GRM8: variants seen among roughly 807,000 people sequenced by gnomAD.
GRM8 encodes glutamate metabotropic receptor 8.
GRM8 carries 47 observed loss-of-function variants against 87.2 expected under a neutral mutation model. The observed-to-expected ratio is 0.54, with a 90% CI of 0.43 to 0.69. The LOEUF (loss-of-function observed/expected upper bound fraction) is 0.69, where lower values mean the gene tolerates loss of function less well. Ranked by LOEUF, GRM8 falls within the 30% of genes least tolerant of loss-of-function variation. The probability of loss-of-function intolerance (pLI) is 0.00; values close to 1 mark genes in which losing one functional copy is unlikely to be tolerated. For missense variants in GRM8, 1,019 were observed against 1,139.2 expected (o/e 0.89, Z 1.52); for synonymous variants, 396 against 404.5 (o/e 0.98, Z 0.25).
At chr7:126,454,076 A>G (rs1387796048) in intron 9 of GRM8, among the ~76,000 whole-genome samples, 1 of 151,798 alleles carries the variant, frequency 6.6e-6, no homozygotes, top group Admixed American at 6.6e-5. Flanking sequence ...AAAATATAAT[A>G]ATATTTTCAG....
rs550342261 is a variant in GRM8 at position 126,655,167 on chromosome 7, G to A, written c.1358-45669C>T. Among the ~76,000 whole-genome samples, 23 of 152,220 alleles carry A rather than the reference G, an allele frequency of 1.5e-4. 1 individual carries two copies. The South Asian group carries it at 1.9e-3, about 12-fold the overall frequency. On this transcript the variant is annotated intron_variant, in intron 7 of 10. Transcript: ENST00000339582. ...TTCATAACTTTTATATTGTCATAAA[G>A]ACAATAATAATATCCTTAGCTCTTC...
intron 7 of GRM8, among the ~76,000 whole-genome samples, chr7:126,756,962 T>A (rs996051676): frequency 5.9e-5 from 9 of 152,102 alleles, no homozygotes; most frequent in African/African-American, 2.2e-4. Flanking sequence ...TTTACCAGTT[T>A]CAAAAAAATT....
intron 2 of GRM8, among the ~76,000 whole-genome samples, chr7:127,240,846 G>A (rs780448943): frequency 1.3e-5 from 2 of 151,998 alleles, no homozygotes; most frequent in Non-Finnish European, 2.9e-5. Context: ...GTGGGAGGAA[G>A]CCTGGAGAAT....
rs920217848 is a variant in GRM8, at chr7:126,743,774, A to G, written c.1357+26091T>C. Among the ~76,000 whole-genome samples, 7 of 152,090 alleles carry G rather than the reference A, an allele frequency of 4.6e-5. No homozygotes were observed. In the East Asian group the frequency reaches 1.2e-3, roughly 25 times the overall value. On this transcript the variant is annotated intron_variant, in intron 7 of 10. Coordinates refer to ENST00000339582, the MANE Select transcript of GRM8 (RefSeq NM_000845.3). ...AAATTATTTAGAATAGTGGCTCTCAATGTAGTCCACAGATCCCTAGGGGGC... is the reference window on the plus strand; with the variant it reads ...AAATTATTTAGAATAGTGGCTCTCAGTGTAGTCCACAGATCCCTAGGGGGC...
chr7:126,974,706 G>C (rs1368381835), intron 3 of GRM8, among the ~76,000 whole-genome samples: 2 of 151,968 alleles, frequency 1.3e-5, no homozygotes, highest in South Asian at 2.1e-4. Context: ...AGGCTAGATG[G>C]GCAGATCACG....
At chr7:127,133,089 T>C (rs1827773013) in intron 2 of GRM8, among the ~76,000 whole-genome samples, 1 of 152,182 alleles carries the variant, frequency 6.6e-6, no homozygotes. Context: ...TAATTGTGCC[T>C]GTTCAGAGGC....
At chr7:126,471,675 C>T (rs1219242659) in intron 9 of GRM8, among the ~76,000 whole-genome samples, 1 of 151,774 alleles carries the variant, frequency 6.6e-6, no homozygotes, top group Admixed American at 6.6e-5. Flanking sequence ...GCGATGCGGG[C>T]TCTTTTTTGG....
intron 7 of GRM8, among the ~76,000 whole-genome samples, chr7:126,719,161 C>T (rs62477947): frequency 0.15 from 22,953 of 152,014 alleles, 1,877 homozygotes; most frequent in East Asian, 0.17. Context: ...ATAATAGACA[C>T]TTTGCAAAGT....
At position 127,243,134 on chromosome 7, in the gene GRM8, A is replaced by G; in HGVS notation, c.71T>C (p.Ile24Thr). 2 of 1,613,890 alleles carry G rather than the reference A, an allele frequency of 1.2e-6. No individual in the cohort carries two copies. The highest frequency in any genetic ancestry group is 8.5e-7 in the Non-Finnish European group (1 of 1,179,904). The change falls in exon 2 of 11, where the codon ATC becomes ACC. Residue 24 changes from isoleucine to threonine, a missense_variant. Coordinates refer to ENST00000339582, the MANE Select transcript of GRM8 (RefSeq NM_000845.3). ...FFLLTAKFYW[I>T]LTMMQRTHSQ... ...GTGAGTTCTTTGCATCATTGTGAGG[A>G]TCCAGTAGAACTTGGCGGTCAAGAG...
chr7:127,206,118 C>A (rs1795897411), intron 2 of GRM8, among the ~76,000 whole-genome samples: 1 of 152,184 alleles, frequency 6.6e-6, no homozygotes, highest in Non-Finnish European at 1.5e-5. Flanking sequence ...GAATGTATTT[C>A]TCCACCCAAA....
intron 8 of GRM8, among the ~76,000 whole-genome samples, chr7:126,551,258 A>G (rs1792553583): frequency 6.6e-6 from 1 of 152,162 alleles, no homozygotes; most frequent in South Asian, 2.1e-4. Context: ...CGAGAAAGGT[A>G]TCAGCATTCA....
At chr7:126,459,499 G>A (rs779898649) in intron 9 of GRM8, among the ~76,000 whole-genome samples, 14 of 151,454 alleles carry the variant, frequency 9.2e-5, no homozygotes, top group Non-Finnish European at 1.3e-4. Context: ...TGTGTATTAG[G>A]TAGGGTACAG....
At chr7:126,963,437 G>A (rs1377536436) in intron 3 of GRM8, among the ~76,000 whole-genome samples, 4 of 152,128 alleles carry the variant, frequency 2.6e-5, no homozygotes, top group African/African-American at 4.8e-5. Context: ...CTTCGTCTCA[G>A]CTCGAAATCT....
chr7:126,798,645 T>G (rs13240418), intron 6 of GRM8, among the ~76,000 whole-genome samples: 70,893 of 152,006 alleles, frequency 0.47, 17,078 homozygotes, highest in African/African-American at 0.53. Flanking sequence ...TAGCGGGCCT[T>G]TGTAGAAAAT....
At chr7:126,969,744 T>C (rs1810225652) in intron 3 of GRM8, among the ~76,000 whole-genome samples, 1 of 152,210 alleles carries the variant, frequency 6.6e-6, no homozygotes, top group Non-Finnish European at 1.5e-5. Flanking sequence ...TTTAGAATGA[T>C]GAATTTTTTC....
chr7:126,469,402 TC>T (rs143967164), intron 9 of GRM8, among the ~76,000 whole-genome samples: 4,317 of 152,208 alleles, frequency 0.028, 88 homozygotes, highest in Middle Eastern at 0.044. Context: ...CCCCATGTTG[TC>T]AAATCAAAAT....
chr7:127,128,934 C>T (rs1827526694), intron 2 of GRM8, among the ~76,000 whole-genome samples: 1 of 152,100 alleles, frequency 6.6e-6, no homozygotes, highest in South Asian at 2.1e-4. Context: ...TATCTGATTA[C>T]AACAGGGAAG....
At chr7:127,196,922 A>G (rs1325011053) in intron 2 of GRM8, among the ~76,000 whole-genome samples, 1 of 152,132 alleles carries the variant, frequency 6.6e-6, no homozygotes, top group Non-Finnish European at 1.5e-5. Flanking sequence ...GGGTCTCACT[A>G]TGTTGCCCAG....
intron 7 of GRM8, among the ~76,000 whole-genome samples, chr7:126,669,031 G>A (rs1806099884): frequency 6.6e-6 from 1 of 152,176 alleles, no homozygotes; most frequent in Non-Finnish European, 1.5e-5. Flanking sequence ...CATGGATGAA[G>A]GTGGAAGCCA....
Sources: gnomAD v4.1 joint callset for allele counts (sites outside exome capture counted in the v4.1 genomes callset) on GRCh38, gnomAD v4.1.1 for gene constraint, MANE v1.5 for transcripts, NCBI Gene and HGNC (gene_info 2026-07-23, HGNC 2026-07-21) for gene names.